TCF7L1: variants seen among roughly 807,000 people sequenced by gnomAD.
The protein encoded by TCF7L1 is transcription factor 7-like 1.
Under a neutral mutation model 63.7 loss-of-function variants are expected in TCF7L1, and 18 were observed. The observed-to-expected ratio is 0.28, with a 90% CI of 0.20 to 0.42. The LOEUF (loss-of-function observed/expected upper bound fraction) is 0.42. Ranked by LOEUF, TCF7L1 falls within the 10% of genes least tolerant of loss-of-function variation. TCF7L1 has a pLI of 1.00. For missense variants in TCF7L1, 654 were observed against 779.3 expected (o/e 0.84, Z 1.91); for synonymous variants, 355 against 340.9 (o/e 1.04, Z -0.46).
intron 3 of TCF7L1, among the ~76,000 whole-genome samples, chr2:85,146,497 C>CTTT (rs554058692): frequency 3.3e-4 from 34 of 103,578 alleles, no homozygotes; most frequent in Non-Finnish European, 4.3e-4. Context: ...TTCTTTCTTT[C>CTTT]TTTTTTTTTT....
Position 85,298,799 on chromosome 2 carries a change from G to T in TCF7L1, c.526-3685G>T, listed in dbSNP as rs374887959. On this transcript the variant is annotated intron_variant, in intron 4 of 11. Transcript: ENST00000282111. ...CCCTACATTCCTAGTCCTCGGTTTG[G>T]GTATATGCTGTGAACATCCTGCCCC... Among the ~76,000 whole-genome samples, 336 of 152,182 alleles carry T rather than the reference G, an allele frequency of 2.2e-3. 3 individuals carry two copies. Among genetic ancestry groups the T allele is most frequent in the African/African-American group, 7.8e-3 (325 of 41,512 alleles).
intron 3 of TCF7L1, among the ~76,000 whole-genome samples, chr2:85,158,046 A>G (rs1001308663): frequency 2.6e-5 from 4 of 152,204 alleles, no homozygotes; most frequent in Non-Finnish European, 5.9e-5. Context: ...TTTCCAGGGA[A>G]GGAGGAAGGA....
At chr2:85,238,777 TTTTATTTATTTATTTATTTATTTA>T (rs200688175) in intron 3 of TCF7L1, among the ~76,000 whole-genome samples, 17,558 of 139,410 alleles carry the variant, frequency 0.13, 1,831 homozygotes, top group African/African-American at 0.29. Context: ...TTTTGGAGCA[TTTTATTTATTTATTTATTTATTTA>T]TTTATTTATT....
intron 3 of TCF7L1, among the ~76,000 whole-genome samples, chr2:85,151,823 C>T (rs1332185930): frequency 3.3e-5 from 5 of 152,236 alleles, no homozygotes; most frequent in South Asian, 2.1e-4. Context: ...TGTGGCCCAC[C>T]GAGCTGGAAA....
At chr2:85,215,045 TCCAGC>T (rs1679663770) in intron 3 of TCF7L1, among the ~76,000 whole-genome samples, 3 of 152,128 alleles carry the variant, frequency 2.0e-5, no homozygotes, top group Non-Finnish European at 4.4e-5. Context: ...ATTTGGAAAC[TCCAGC>T]CCTGTGCCCT....
chr2:85,250,016 T>C (rs1475177676), intron 3 of TCF7L1, among the ~76,000 whole-genome samples: 1 of 152,212 alleles, frequency 6.6e-6, no homozygotes, highest in Non-Finnish European at 1.5e-5. Flanking sequence ...TCTGTAGCAT[T>C]TGTGTCTAAT....
chr2:85,171,219 A>G (rs956965269), intron 3 of TCF7L1, among the ~76,000 whole-genome samples: 1 of 152,186 alleles, frequency 6.6e-6, no homozygotes, highest in Non-Finnish European at 1.5e-5. Context: ...ACAGCATGGG[A>G]AAGACCTGCC....
At chr2:85,153,214 A>C (rs1678060682) in intron 3 of TCF7L1, among the ~76,000 whole-genome samples, 1 of 152,240 alleles carries the variant, frequency 6.6e-6, no homozygotes, top group African/African-American at 2.4e-5. Context: ...ATAGTTGCAA[A>C]GATTAAATAA....
intron 3 of TCF7L1, among the ~76,000 whole-genome samples, chr2:85,161,210 G>T (rs1010702470): frequency 2.0e-5 from 3 of 152,202 alleles, no homozygotes; most frequent in Non-Finnish European, 4.4e-5. Context: ...AGGATAACTT[G>T]CAGTTGCCCA....
chr2:85,295,804 G>A (rs1681828656), intron 4 of TCF7L1, among the ~76,000 whole-genome samples: 1 of 82,794 alleles, frequency 1.2e-5, no homozygotes. Context: ...TTTTGAGACC[G>A]TCTCGTTCTG....
At chr2:85,176,986 CAAAA>C (rs774094748) in intron 3 of TCF7L1, among the ~76,000 whole-genome samples, 16 of 66,796 alleles carry the variant, frequency 2.4e-4, no homozygotes, top group African/African-American at 3.3e-4. Flanking sequence ...GACTCTGTCT[CAAAA>C]AAAAAAAAAA....
chr2:85,139,891 A>C (rs975115356), intron 3 of TCF7L1, among the ~76,000 whole-genome samples: 3 of 152,208 alleles, frequency 2.0e-5, no homozygotes, highest in African/African-American at 7.2e-5. Context: ...GAGAACCATC[A>C]GAAGTTAGGC....
intron 3 of TCF7L1, among the ~76,000 whole-genome samples, chr2:85,204,112 A>G (rs1249121000): frequency 6.6e-6 from 1 of 152,228 alleles, no homozygotes; most frequent in Non-Finnish European, 1.5e-5. Flanking sequence ...CAGTACAAGT[A>G]AAATGAAATT....
At chr2:85,145,369 A>T (rs1267957976) in intron 3 of TCF7L1, among the ~76,000 whole-genome samples, 1 of 152,226 alleles carries the variant, frequency 6.6e-6, no homozygotes, top group Non-Finnish European at 1.5e-5. Flanking sequence ...ACTGTGATTA[A>T]GGAACAGATG....
intron 3 of TCF7L1, among the ~76,000 whole-genome samples, chr2:85,263,242 G>A (rs950080150): frequency 6.6e-6 from 1 of 152,008 alleles, no homozygotes; most frequent in Non-Finnish European, 1.5e-5. Flanking sequence ...GTTGGAGATG[G>A]GAAGGGTAGG....
At chr2:85,235,462 G>A (rs1467229814) in intron 3 of TCF7L1, among the ~76,000 whole-genome samples, 2 of 151,718 alleles carry the variant, frequency 1.3e-5, no homozygotes, top group African/African-American at 2.4e-5. Flanking sequence ...GGGGCAGTGT[G>A]GAAAAGAGGA....
chr2:85,287,887 G>T (rs1333546336), intron 4 of TCF7L1, among the ~76,000 whole-genome samples: 1 of 152,100 alleles, frequency 6.6e-6, no homozygotes, highest in African/African-American at 2.4e-5. Flanking sequence ...TATTTATGCA[G>T]CTCCAAGCAA....
chr2:85,198,636 G>A (rs1462627794), intron 3 of TCF7L1, among the ~76,000 whole-genome samples: 1 of 152,118 alleles, frequency 6.6e-6, no homozygotes, highest in Non-Finnish European at 1.5e-5. Context: ...GGCAGCTTTG[G>A]GGAAAGTAAT....
chr2:85,266,778 T>A (rs1680985213), intron 3 of TCF7L1, among the ~76,000 whole-genome samples: 1 of 152,272 alleles, frequency 6.6e-6, no homozygotes. Flanking sequence ...ATTTATAATA[T>A]TGATTTGCTT....
Sources: gnomAD v4.1 joint callset for allele counts (sites outside exome capture counted in the v4.1 genomes callset) on GRCh38, gnomAD v4.1.1 for gene constraint, MANE v1.5 for transcripts, NCBI Gene and HGNC (gene_info 2026-07-23, HGNC 2026-07-21) for gene names.